The following ROBO2 variants were observed in gnomAD, a reference collection of about 807,000 sequenced individuals.
ROBO2 encodes roundabout homolog 2.
A neutral mutation model predicts 160.8 loss-of-function variants in ROBO2; 53 were observed. The observed-to-expected ratio is 0.33, with a 90% CI of 0.26 to 0.41. The LOEUF (loss-of-function observed/expected upper bound fraction) is 0.41. ROBO2 is among the 10% of genes least tolerant of loss of function. The pLI is 1.00. For synonymous variants in ROBO2, 664 were observed against 611.7 expected (o/e 1.09, Z -1.26); for missense variants, 1,577 against 1,722.4 (o/e 0.92, Z 1.49).
chr3:76,130,055 C>G (rs550303901), intron 2 of ROBO2, among the ~76,000 whole-genome samples: 19 of 152,088 alleles, frequency 1.2e-4, no homozygotes, highest in African/African-American at 4.6e-4. Context: ...CATCTTCACC[C>G]TCCAGATTAA....
chr3:77,394,446 T>C (rs1193104626), intron 2 of ROBO2, among the ~76,000 whole-genome samples: 1 of 152,132 alleles, frequency 6.6e-6, no homozygotes, highest in Non-Finnish European at 1.5e-5. Context: ...TGAACTACTA[T>C]TAAAAAAAAC....
intron 2 of ROBO2, among the ~76,000 whole-genome samples, chr3:77,429,498 A>C (rs544850289): frequency 6.6e-6 from 1 of 152,162 alleles, no homozygotes; most frequent in East Asian, 1.9e-4. Context: ...CTGGTCTCTG[A>C]GGGGAATCTC....
rs916502985 is a variant in ROBO2, at chr3:76,017,873, C to T, written c.109+80271C>T. Among the ~76,000 whole-genome samples the T allele has an allele frequency of 3.3e-5, 5 of 152,210 alleles. No homozygotes were observed. In the East Asian group the frequency reaches 7.7e-4, roughly 23 times the overall value. ...ATAAAGCCCTGAATACTTCTCCACT[C>T]TTCCGTTTTTATAGAAACTAAGAGG... is the stretch of plus-strand genomic sequence containing the variant. On this transcript the variant is annotated intron_variant, in intron 2 of 26. Transcript: ENST00000487694.
At chr3:76,860,491 T>A (rs11706440) in intron 2 of ROBO2, among the ~76,000 whole-genome samples, 18,914 of 152,116 alleles carry the variant, frequency 0.12, 1,337 homozygotes, top group East Asian at 0.24. Flanking sequence ...GTCTTTTTTG[T>A]TTTTTGTTTT....
chr3:77,180,747 C>T (rs576581329), intron 2 of ROBO2, among the ~76,000 whole-genome samples: 1 of 151,784 alleles, frequency 6.6e-6, no homozygotes, highest in African/African-American at 2.4e-5. Flanking sequence ...TTATTAAATA[C>T]TTCCCAGATA....
intron 2 of ROBO2, among the ~76,000 whole-genome samples, chr3:76,565,265 AATTTG>A (rs1171689117): frequency 2.0e-5 from 3 of 152,312 alleles, no homozygotes; most frequent in East Asian, 3.9e-4. Context: ...CAACTCATTT[AATTTG>A]ATTTATTTAT....
chr3:77,143,094 A>G (rs1303378913), intron 2 of ROBO2, among the ~76,000 whole-genome samples: 1 of 149,760 alleles, frequency 6.7e-6, no homozygotes, highest in Non-Finnish European at 1.5e-5. Context: ...AAACCAATAA[A>G]CAAAAAGCAA....
chr3:76,463,383 C>T (rs200258021), intron 2 of ROBO2, among the ~76,000 whole-genome samples: 4 of 151,068 alleles, frequency 2.6e-5, no homozygotes, highest in South Asian at 2.1e-4. Flanking sequence ...GAAAAAAAAA[C>T]AAAATAAAAA....
intron 2 of ROBO2, among the ~76,000 whole-genome samples, chr3:75,959,500 C>T (rs551100484): frequency 1.3e-5 from 2 of 151,822 alleles, no homozygotes; most frequent in African/African-American, 4.8e-5. Flanking sequence ...TCCAAATTTA[C>T]TTCACAAATT....
intron 2 of ROBO2, among the ~76,000 whole-genome samples, chr3:76,343,538 A>G (rs1461719998): frequency 6.6e-6 from 1 of 151,822 alleles, no homozygotes; most frequent in Non-Finnish European, 1.5e-5. Flanking sequence ...CTCTCAGGTT[A>G]GTGCAAACGT....
At chr3:77,110,307 G>T (rs1177678672) in intron 2 of ROBO2, among the ~76,000 whole-genome samples, 30 of 151,934 alleles carry the variant, frequency 2.0e-4, no homozygotes, top group Admixed American at 1.9e-3. Flanking sequence ...ACTACTTTAG[G>T]ATACTTTCTG....
intron 2 of ROBO2, among the ~76,000 whole-genome samples, chr3:76,765,908 C>T (rs1157816103): frequency 9.2e-5 from 14 of 151,622 alleles, no homozygotes; most frequent in Admixed American, 7.2e-4. Context: ...ACACATCAAT[C>T]GTAACTGGAA....
chr3:77,171,559 G>A (rs905802433), intron 2 of ROBO2, among the ~76,000 whole-genome samples: 5 of 152,204 alleles, frequency 3.3e-5, no homozygotes, highest in African/African-American at 1.2e-4. Flanking sequence ...TTTGTGGTAT[G>A]TTTCCTCATG....
At position 77,402,772 on chromosome 3, in the gene ROBO2, A is replaced by G. The variant is rs147622627; in HGVS notation, c.389-74642A>G. On this transcript the variant is annotated intron_variant, in intron 2 of 25. Transcript: ENST00000461745. ...ATAGGGAAGAATCAGGAGAGAAGGG[A>G]TGCAAGGCCTCAGAAGTACGCCGGC... is the stretch of plus-strand genomic sequence containing the variant. Among the ~76,000 whole-genome samples the G allele has an allele frequency of 7.3e-3, 1,112 of 152,184 alleles. 14 individuals are homozygous for G. Among genetic ancestry groups the G allele is most frequent in the Non-Finnish European group, 8.3e-3 (564 of 68,014 alleles).
chr3:76,462,709 G>C (rs1435725428), intron 2 of ROBO2, among the ~76,000 whole-genome samples: 3 of 152,092 alleles, frequency 2.0e-5, no homozygotes, highest in Non-Finnish European at 2.9e-5. Context: ...TGGACTTTAT[G>C]CATGAATGTA....
At chr3:77,296,259 G>A (rs1054676710) in intron 2 of ROBO2, among the ~76,000 whole-genome samples, 3 of 151,816 alleles carry the variant, frequency 2.0e-5, no homozygotes, top group African/African-American at 7.3e-5. Context: ...AGAATTGATG[G>A]TTAAACGGGT....
chr3:77,288,380 A>C (rs1046189165), intron 2 of ROBO2, among the ~76,000 whole-genome samples: 1 of 152,188 alleles, frequency 6.6e-6, no homozygotes, highest in African/African-American at 2.4e-5. Context: ...AAAGCATACA[A>C]GTTTTTGGAT....
chr3:76,806,241 G>GTC (rs1469537119), intron 2 of ROBO2, among the ~76,000 whole-genome samples: 8 of 151,192 alleles, frequency 5.3e-5, no homozygotes, highest in Non-Finnish European at 1.5e-5. Flanking sequence ...GTGTGTGTGT[G>GTC]TGTTACTATA....
chr3:76,385,757 A>G (rs938162108), intron 2 of ROBO2, among the ~76,000 whole-genome samples: 1 of 152,178 alleles, frequency 6.6e-6, no homozygotes. Flanking sequence ...GGATATTTGA[A>G]TCAATTTCTC....
Sources: gnomAD v4.1 joint callset for allele counts (sites outside exome capture counted in the v4.1 genomes callset) on GRCh38, gnomAD v4.1.1 for gene constraint, MANE v1.5 for transcripts, NCBI Gene and HGNC (gene_info 2026-07-23, HGNC 2026-07-21) for gene names.